The following GPR21 variants were observed in gnomAD, a reference collection of about 807,000 sequenced individuals.
GPR21 encodes G protein-coupled receptor 21, also known as probable G protein-coupled receptor 21.
A neutral mutation model predicts 21.5 loss-of-function variants in GPR21; 9 were observed. The observed-to-expected ratio is 0.42, with a 90% CI of 0.25 to 0.73. The LOEUF (loss-of-function observed/expected upper bound fraction) is 0.73. Among genes scored for constraint, GPR21 ranks in the 30% least tolerant of loss-of-function variants. The pLI, the probability that GPR21 is intolerant of heterozygous loss-of-function variation, is 0.27. For missense variants in GPR21, 416 were observed against 428.9 expected (o/e 0.97, Z 0.27); for synonymous variants, 169 against 159.3 (o/e 1.06, Z -0.46).
downstream of GPR21, among the ~76,000 whole-genome samples, chr9:123,039,839 T>C (rs1233016345): frequency 2.0e-5 from 3 of 152,156 alleles, no homozygotes; most frequent in African/African-American, 7.2e-5. Context: ...ACTTCCTATG[T>C]GGTTTTGCTT....
downstream of GPR21, among the ~76,000 whole-genome samples, chr9:123,037,588 T>A (rs74383313): frequency 2.9e-4 from 44 of 152,256 alleles, no homozygotes; most frequent in Non-Finnish European, 5.3e-4. Flanking sequence ...TTACCTTTTT[T>A]CATACATGTT....
the GPR21 span, among the ~76,000 whole-genome samples, chr9:123,042,929 A>G: frequency 6.6e-6 from 1 of 152,198 alleles, no homozygotes; most frequent in Non-Finnish European, 1.5e-5. Context: ...GGGGTGGGGC[A>G]TGGATGGTGG....
At chr9:123,039,037 A>G (rs1231517278), downstream of GPR21, among the ~76,000 whole-genome samples, 3 of 152,274 alleles carry the variant, frequency 2.0e-5, no homozygotes, top group East Asian at 5.8e-4. Context: ...GTTAGATAAT[A>G]GATGTGAAAG....
the GPR21 span, among the ~76,000 whole-genome samples, chr9:123,043,095 CTA>C: frequency 1.1e-4 from 17 of 152,100 alleles, no homozygotes; most frequent in African/African-American, 4.1e-4. Flanking sequence ...TGAGGGTAAA[CTA>C]AACTCATTTT....
In GPR21 at chr9:123,034,385, T is replaced by G. The variant is rs1354383300; in HGVS notation, c.-182T>G. ...TGGCTCTCCTTATTCCAGGAAGGAT[T>G]TAAAGGGGAATTGCACTGCAGGCAA... On this transcript the variant is annotated 5_prime_UTR_variant, in exon 2 of 2. In the 5' UTR this introduces an upstream ATG that the reference lacks. Coordinates refer to ENST00000616002, the MANE Select transcript of GPR21 (RefSeq NM_005294.3). 7.0e-5 allele frequency: 41 copies of G among 588,872 alleles called. No individual in the cohort carries two copies. In the East Asian group the frequency reaches 1.1e-3, roughly 16 times the overall value. The allele number at this position is 588,872 out of a possible 1,614,324, so 36.5% of individuals were successfully genotyped here. A position where few individuals can be genotyped will look rare whatever the true frequency, so the allele number is the denominator to read the frequency against.
the GPR21 span, among the ~76,000 whole-genome samples, chr9:123,045,231 G>A: frequency 6.6e-6 from 1 of 152,142 alleles, no homozygotes; most frequent in Admixed American, 6.5e-5. Context: ...CATTTAAATA[G>A]CATTATTTAT....
rs754598243 is a variant in GPR21, at chr9:123,034,540, A to C, written c.-27A>C. On this transcript the variant is annotated 5_prime_UTR_variant, in exon 2 of 2. Coordinates refer to ENST00000616002, the MANE Select transcript of GPR21 (RefSeq NM_005294.3). Reference sequence around the variant, plus strand: ...TTGGCAGCAGCCAAGCGGCAGCATGAAGTGACAGATCACTCCTGAGCTCAA... The same window carrying C: ...TTGGCAGCAGCCAAGCGGCAGCATGCAGTGACAGATCACTCCTGAGCTCAA... The C allele has an allele frequency of 6.9e-7, 1 of 1,451,926 alleles. No homozygotes were observed. The highest frequency in any genetic ancestry group is 1.9e-5 in the Admixed American group (1 of 52,968). The allele number at this position is 1,451,926 out of a possible 1,614,324, so 89.9% of individuals were successfully genotyped here.
the GPR21 span, among the ~76,000 whole-genome samples, chr9:123,044,193 G>A: frequency 1.2e-4 from 18 of 152,056 alleles, no homozygotes; most frequent in African/African-American, 3.6e-4. Context: ...GTGAGCCACC[G>A]CGCCCAGCCA....
At chr9:123,044,820 G>A in the GPR21 span, among the ~76,000 whole-genome samples, 1 of 152,094 alleles carries the variant, frequency 6.6e-6, no homozygotes, top group Non-Finnish European at 1.5e-5. Flanking sequence ...CTAGGCTCAG[G>A]GTGGAGTAGA....
chr9:123,046,305 G>A, the GPR21 span, among the ~76,000 whole-genome samples: 1 of 152,162 alleles, frequency 6.6e-6, no homozygotes, highest in African/African-American at 2.4e-5. Flanking sequence ...GCGGTAAAGA[G>A]GGGTCACTTT....
chr9:123,035,257 C>A lies in GPR21; in HGVS notation c.691C>A (p.Arg231Ser), dbSNP rs999045682. The change falls in exon 2 of 2, where the codon CGC (arginine) becomes AGC (serine). Residue 231 changes from arginine (R) to serine (S), a missense_variant. Coordinates refer to ENST00000616002, the MANE Select transcript of GPR21 (RefSeq NM_005294.3). ...HTKDISERQA[R>S]FSSQSGETGE... ...AAAGGATATCAGCGAAAGGCAAGCC[C>A]GCTTCAGCAGCCAGAGTGGGGAGAC... The A allele has an allele frequency of 6.2e-7, 1 of 1,614,116 alleles. No individual in the cohort carries two copies. The highest frequency in any genetic ancestry group is 1.7e-5 in the Admixed American group (1 of 60,010).
chr9:123,038,728 AAAAT>A (rs1161795061), downstream of GPR21, among the ~76,000 whole-genome samples: 7 of 151,520 alleles, frequency 4.6e-5, no homozygotes, highest in African/African-American at 1.2e-4. Flanking sequence ...GTTGAAGAAA[AAAAT>A]ATTAAGTATT....
the GPR21 span, among the ~76,000 whole-genome samples, chr9:123,044,856 C>T: frequency 1.3e-5 from 2 of 152,112 alleles, no homozygotes; most frequent in Admixed American, 6.5e-5. Context: ...TTCCTCTCCT[C>T]ACCCCAGACC....
At chr9:123,047,934 T>G in the GPR21 span, among the ~76,000 whole-genome samples, 37 of 73,504 alleles carry the variant, frequency 5.0e-4, no homozygotes, top group African/African-American at 2.5e-3. Context: ...TTTTTTTTTT[T>G]TTTTTTTTTT....
chr9:123,039,441 G>A (rs1237940704), downstream of GPR21, among the ~76,000 whole-genome samples: 2 of 152,132 alleles, frequency 1.3e-5, no homozygotes, highest in Admixed American at 1.3e-4. Flanking sequence ...AAATGACTCT[G>A]TAATTATTGC....
the GPR21 span, among the ~76,000 whole-genome samples, chr9:123,044,965 T>G: frequency 6.6e-6 from 1 of 152,258 alleles, no homozygotes; most frequent in South Asian, 2.1e-4. Context: ...GATCTACAAT[T>G]TAACAAACAA....
the GPR21 span, among the ~76,000 whole-genome samples, chr9:123,041,571 C>T: frequency 6.6e-6 from 1 of 152,100 alleles, no homozygotes; most frequent in East Asian, 1.9e-4. Flanking sequence ...ATGCATATTT[C>T]TGTTAACTCC....
Position 123,034,833 on chromosome 9 carries a change from C to G in GPR21, c.267C>G (p.Leu89=). ...GVSCVVPSLS[L]LHHPLPVEES... The stretch of plus-strand genomic sequence containing the variant: ...GCTGCGTGGTCCCTTCTTTATCACT[C>G]CTCCATCACCCCCTTCCAGTAGAGG... Residue 89 remains leucine (L), a synonymous_variant, in exon 2 of 2, where the codon CTC becomes CTG. Coordinates refer to ENST00000616002, the MANE Select transcript of GPR21 (RefSeq NM_005294.3). 1 of 1,614,034 alleles carries G rather than the reference C, an allele frequency of 6.2e-7. No homozygotes were observed. The highest frequency in any genetic ancestry group is 8.5e-7 in the Non-Finnish European group (1 of 1,179,948).
downstream of GPR21, among the ~76,000 whole-genome samples, chr9:123,037,735 A>G (rs662117): frequency 0.62 from 94,671 of 151,764 alleles, 36,656 homozygotes; most frequent in Non-Finnish European, 0.86. Flanking sequence ...TTGTGTGTGT[A>G]TGTGTTGGGA....
Sources: allele counts gnomAD v4.1 joint callset (sites outside exome capture counted in the v4.1 genomes callset), GRCh38; gene constraint gnomAD v4.1.1; transcripts MANE v1.5; gene names NCBI Gene and HGNC (gene_info 2026-07-23, HGNC 2026-07-21).